TTN: variants seen among roughly 807,000 people sequenced by gnomAD.
TTN encodes the protein connectin.
TTN carries 1,525 observed loss-of-function variants against 3,223.0 expected under a neutral mutation model. The ratio of observed to expected loss-of-function variants is 0.47; its 90% confidence interval spans 0.45 to 0.49. The LOEUF (loss-of-function observed/expected upper bound fraction) is 0.49, where lower values mean the gene tolerates loss of function less well. Among genes scored for constraint, TTN ranks in the 20% least tolerant of loss-of-function variants. TTN has a pLI of 0.00. For synonymous variants in TTN, 14,094 were observed against 15,161.0 expected (o/e 0.93, Z 5.17); for missense variants, 40,786 against 43,424.0 (o/e 0.94, Z 5.40).
chr2:178,540,134 A>T lies in TTN; in HGVS notation c.98032T>A (p.Cys32678Ser). 6.2e-7 allele frequency: 1 copy of T among 1,612,914 alleles called. No homozygotes were observed. The highest frequency in any genetic ancestry group is 8.5e-7 in the Non-Finnish European group (1 of 1,178,996). Residue 32678 changes from cysteine to serine, a missense_variant, in exon 351 of 363, where the codon TGT (cysteine) becomes AGT (serine). Physicochemically the swap from Cys to Ser is moderately radical, Grantham distance 112 (BLOSUM62 -1). Coordinates refer to ENST00000589042, the MANE Select transcript of TTN (RefSeq NM_001267550.2). The part of the protein sequence containing the change: ...GAEYRFRVLA[C>S]NAGGPGEPAE... Reference sequence around the variant, plus strand: ...GGCTCACCAGGTCCACCAGCATTACAAGCTAGGACGCGGAACCTGTATTCT... The same window carrying T: ...GGCTCACCAGGTCCACCAGCATTACTAGCTAGGACGCGGAACCTGTATTCT...
At chr2:178,694,068 A>C (rs2154281492) in intron 117 of TTN, 60 bp from the exon 118 acceptor site, 1 of 1,322,536 alleles carries the variant, frequency 7.6e-7, no homozygotes, top group East Asian at 2.4e-5. Context: ...ATCAGATCAA[A>C]CACATGGATT....
rs377441854 is a variant in TTN, at chr2:178,625,349, A to G, written c.44472T>C (p.Asp14824=). 6.2e-6 allele frequency: 10 copies of G among 1,602,026 alleles called. No homozygotes were observed. The highest frequency in any genetic ancestry group is 8.5e-6 in the Non-Finnish European group (10 of 1,174,998). ...EGKVHTLTLR[D]VKLEDAGEVQ... is the part of the protein sequence containing the mutation. ...CTTCCCCAGCATCTTCTAACTTTAC[A>G]TCCCTCAGAGTAAGTGTATGAACTT... Residue 14824 remains aspartate (D), a synonymous_variant, in exon 241 of 363, where the codon GAT becomes GAC. Coordinates refer to ENST00000589042, the MANE Select transcript of TTN (RefSeq NM_001267550.2).
Position 178,740,316 on chromosome 2 carries a change from T to C in TTN, c.12917A>G (p.Glu4306Gly), listed in dbSNP as rs2082270081. ...TGCATTTTCCAGTGGATTTGCACTT[T>C]CTATCAAAATTTTACCTCCTTCTGT... Reference protein sequence around the residue: ...SCTEGGKILIESANPLENAGQ... With the variant: ...SCTEGGKILIGSANPLENAGQ... The change falls in exon 48 of 363, where the codon GAA becomes GGA. Residue 4306 changes from glutamate to glycine, a missense_variant. Transcript: ENST00000589042. 1.9e-6 allele frequency: 3 copies of C among 1,613,630 alleles called. No individual in the cohort carries two copies. Among genetic ancestry groups the C allele is most frequent in the African/African-American group, 2.7e-5 (2 of 74,918 alleles).
At chr2:178,629,688 A>G (rs1338858746) in intron 239 of TTN, among the ~76,000 whole-genome samples, 1 of 152,104 alleles carries the variant, frequency 6.6e-6, no homozygotes, top group East Asian at 1.9e-4. Flanking sequence ...TCTGTGCTGC[A>G]TCTGTCTCTC....
chr2:178,753,197 T>C lies in TTN; in HGVS notation c.11255-17A>G, dbSNP rs1236999621. On this transcript the variant is annotated splice_polypyrimidine_tract_variant and intron_variant, in intron 46 of 362. Coordinates refer to ENST00000589042, the MANE Select transcript of TTN (RefSeq NM_001267550.2). ...ATTCAGGAGCTAAAATAGAAAAACA[T>C]ATAAAGAGATTTTAGTGATTAATTG... 1 of 1,589,724 alleles carries C rather than the reference T, an allele frequency of 6.3e-7. No homozygotes were observed.
At position 178,692,503 on chromosome 2, in the gene TTN, G is replaced by A. The variant is rs769915175; in HGVS notation, c.31672C>T (p.Pro10558Ser). The stretch of plus-strand genomic sequence containing the variant: ...TTCACAAATATTATTCTACCTTTTG[G>A]TGCTGGGGGCTCCACTTTTTTAGGG... Reference protein sequence around the residue: ...PIPKKVEPPAPKVPEVPKKPV... With the variant: ...PIPKKVEPPASKVPEVPKKPV... Residue 10558 changes from proline to serine, a missense_variant, in exon 120 of 363, where the codon CCA (proline) becomes TCA (serine). Transcript: ENST00000589042. 2.5e-6 allele frequency: 4 copies of A among 1,578,326 alleles called. No individual in the cohort carries two copies. The African/African-American group carries it at 4.0e-5, about 16-fold the overall frequency.
At position 178,769,902 on chromosome 2, in the gene TTN, C is replaced by A. The variant is rs1574561314; in HGVS notation, c.8679G>T (p.Val2893=). 3.7e-6 allele frequency: 6 copies of A among 1,613,942 alleles called. No homozygotes were observed. In the Admixed American group the frequency reaches 1.0e-4, roughly 27 times the overall value. ...CAAAAGAGGCAGTTTTGGTCTCAGG[C>A]ACCTCGATATTTTTCATGGTTTTTG... The part of the protein sequence containing the change: ...HITKTMKNIE[V]PETKTASFEC... Residue 2893 remains valine (V), a synonymous_variant, in exon 37 of 363, where the codon GTG becomes GTT. Coordinates refer to ENST00000589042, the MANE Select transcript of TTN (RefSeq NM_001267550.2).
At chr2:178,696,849 A>G (rs1437662505) in intron 113 of TTN, among the ~76,000 whole-genome samples, 2 of 152,108 alleles carry the variant, frequency 1.3e-5, no homozygotes, top group African/African-American at 2.4e-5. Context: ...GTTAACTACA[A>G]TAAAAAAATA....
rs374167223 is a variant in TTN, at chr2:178,719,233, C to T, written c.24157G>A (p.Gly8053Ser). The change falls in exon 83 of 363, where the codon GGC (glycine) becomes AGC (serine). Residue 8053 changes from glycine to serine, a missense_variant. Physicochemically the swap from Gly to Ser is moderately conservative, Grantham distance 56. Coordinates refer to ENST00000589042, the MANE Select transcript of TTN (RefSeq NM_001267550.2). ...TTGGCAGCCACACACGTGTATATGC[C>T]TGTGTCGGAGGGCTCCAACAAGCTC... ...NLSLLEPSDT[G>S]IYTCVAANVA... is the part of the protein sequence containing the mutation. 2.9e-5 allele frequency: 47 copies of T among 1,613,672 alleles called. No homozygotes were observed. The highest frequency in any genetic ancestry group is 1.6e-4 in the Middle Eastern group (1 of 6,076).
intron 199 of TTN, 22 bp from the exon 200 acceptor site, chr2:178,652,953 T>C (rs1432512233): frequency 2.1e-5 from 34 of 1,602,564 alleles, no homozygotes; most frequent in Non-Finnish European, 2.8e-5. Context: ...TTAGTGAAAT[T>C]ACATTTAGAA....
rs375735354 is a variant in TTN, at chr2:178,781,130, G to T, written c.3514C>A (p.Leu1172Ile). The T allele has an allele frequency of 5.9e-5, 96 of 1,613,822 alleles. No homozygotes were observed. The highest frequency in any genetic ancestry group is 8.1e-5 in the Non-Finnish European group (95 of 1,179,938). Residue 1172 changes from leucine to isoleucine, a missense_variant, in exon 21 of 363, where the codon CTT becomes ATT. Leu to Ile is a conservative substitution (Grantham distance 5). Coordinates refer to ENST00000589042, the MANE Select transcript of TTN (RefSeq NM_001267550.2). ...CTGGAGTTGCACTTACCTTCTTCAA[G>T]CAAGGAAGCAGATGCAGAAGTTTCT... is the stretch of plus-strand genomic sequence containing the variant. Reference protein sequence around the residue: ...HGETSASASLLEEADYELLMK... With the variant: ...HGETSASASLIEEADYELLMK...
chr2:178,532,162 T>C lies in TTN; in HGVS notation c.104453A>G (p.Glu34818Gly). ...EVTEITEIEE[E>G]YEISKHAQRE... ...TTGAGCATGTTTTGAGATTTCGTAT[T>C]CTTCCTCAATTTCTGTTATTTCTGT... The change falls in exon 358 of 363, where the codon GAA becomes GGA. Residue 34818 changes from glutamate to glycine, a missense_variant. Glu to Gly is a moderately conservative substitution (Grantham distance 98). Transcript: ENST00000589042. The C allele has an allele frequency of 6.2e-7, 1 of 1,613,820 alleles. No homozygotes were observed. The highest frequency in any genetic ancestry group is 2.2e-5 in the East Asian group (1 of 44,882).
chr2:178,651,879 T>G lies in TTN; in HGVS notation c.39379+5A>C. 2 of 1,605,438 alleles carry G rather than the reference T, an allele frequency of 1.2e-6. No homozygotes were observed. Among genetic ancestry groups the G allele is most frequent in the Middle Eastern group, 1.7e-4 (1 of 6,018 alleles). ...AGGTGTCCTAGCAGCTTTCTTGCCA[T>G]GTACCTTGTGGAGGCGCCGCTGGCT... is the stretch of plus-strand genomic sequence containing the variant. On this transcript the variant is annotated splice_donor_5th_base_variant and intron_variant, in intron 205 of 362. Transcript: ENST00000589042.
intron 33 of TTN, chr2:178,772,806 G>C (rs1329772780): frequency 5.2e-6 from 2 of 383,464 alleles, no homozygotes; most frequent in Non-Finnish European, 4.7e-6. Context: ...TAAGACAAGT[G>C]CATAATAAAC....
intron 109 of TTN, 39 bp from the exon 110 acceptor site, chr2:178,701,626 A>C: frequency 6.3e-7 from 1 of 1,592,956 alleles, no homozygotes; most frequent in Non-Finnish European, 8.6e-7. Flanking sequence ...GAGACTGAGA[A>C]CAAGCTATTT....
At chr2:178,760,503 C>T (rs1311123727) in intron 43 of TTN, among the ~76,000 whole-genome samples, 1 of 152,158 alleles carries the variant, frequency 6.6e-6, no homozygotes, top group African/African-American at 2.4e-5. Flanking sequence ...GGTGACAGAG[C>T]AAGACTCCAT....
chr2:178,596,528 T>C (rs1268181344), intron 294 of TTN, among the ~76,000 whole-genome samples: 1 of 151,914 alleles, frequency 6.6e-6, no homozygotes, highest in Non-Finnish European at 1.5e-5. Context: ...GGATGACCAG[T>C]GGATCAACAA....
At chr2:178,747,424 T>C in intron 47 of TTN, 2 of 1,613,348 alleles carry the variant, frequency 1.2e-6, no homozygotes, top group Non-Finnish European at 1.7e-6. Flanking sequence ...ATTCAACAGA[T>C]GATGGTGGGG....
rs143578117 is a variant in TTN, at chr2:178,774,394, T to A, written c.6870A>T (p.Val2290=). Residue 2290 remains valine, a synonymous_variant, in exon 30 of 363, where the codon GTA becomes GTT. Transcript: ENST00000589042. ...ATTTTCCTTCTATATTTTCTGGGGA[T>A]ACAATGCACTCTAATTCTCCTGAAT... ...ESYSGELECI[V]SPENIEGKWY... 3 of 1,613,926 alleles carry A rather than the reference T, an allele frequency of 1.9e-6. No individual in the cohort carries two copies. The African/African-American group carries it at 4.0e-5, about 22-fold the overall frequency.
Sources: gnomAD v4.1 joint callset for allele counts (sites outside exome capture counted in the v4.1 genomes callset) on GRCh38, gnomAD v4.1.1 for gene constraint, MANE v1.5 for transcripts, NCBI Gene and HGNC (gene_info 2026-07-23, HGNC 2026-07-21) for gene names.